The following DHRSX variants were observed in gnomAD, a reference collection of about 807,000 sequenced individuals.
DHRSX encodes polyprenol dehydrogenase.
Under a neutral mutation model 34.0 loss-of-function variants are expected in DHRSX, and 31 were observed. That is an observed-to-expected ratio of 0.91 (90% confidence interval 0.69 to 1.23). The LOEUF is 1.23. Ranked by LOEUF, DHRSX falls within the 50% of genes most tolerant of loss-of-function variation. The probability of loss-of-function intolerance (pLI) is 0.00; values close to 1 mark genes in which losing one functional copy is unlikely to be tolerated. For synonymous variants in DHRSX, 201 were observed against 183.8 expected (o/e 1.09, Z -0.76); for missense variants, 414 against 428.1 (o/e 0.97, Z 0.29).
chrX:2,476,649 C>G (rs1216814226), intron 1 of DHRSX, among the ~76,000 whole-genome samples: 2 of 152,168 alleles, frequency 1.3e-5, no homozygotes, highest in East Asian at 1.9e-4. Context: ...AACAACGCCA[C>G]GTAGACTGGA....
chrX:2,244,282 G>A (rs967572776), intron 5 of DHRSX, among the ~76,000 whole-genome samples: 6 of 144,146 alleles, frequency 4.2e-5, no homozygotes, highest in African/African-American at 1.5e-4. Context: ...TCCGATAACC[G>A]CGGTAAAGTG....
intron 6 of DHRSX, among the ~76,000 whole-genome samples, chrX:2,242,720 G>A (rs1162472875): frequency 1.3e-5 from 2 of 152,014 alleles, no homozygotes; most frequent in East Asian, 1.9e-4. Context: ...GCAATGTCAG[G>A]AAGTTACCCT....
intron 1 of DHRSX, among the ~76,000 whole-genome samples, chrX:2,450,698 G>C (rs980688138): frequency 6.6e-6 from 1 of 150,692 alleles, no homozygotes; most frequent in African/African-American, 2.4e-5. Context: ...GAGGGTTTCT[G>C]TGTCTCCTCC....
At chrX:2,273,989 TTCA>T (rs1338279259) in intron 4 of DHRSX, among the ~76,000 whole-genome samples, 2 of 152,162 alleles carry the variant, frequency 1.3e-5, no homozygotes, top group Non-Finnish European at 2.9e-5. Context: ...ATGCTGATAA[TTCA>T]TCGTTAGTGA....
At chrX:2,231,668 T>C (rs1602763874) in intron 6 of DHRSX, among the ~76,000 whole-genome samples, 1 of 150,618 alleles carries the variant, frequency 6.6e-6, no homozygotes, top group African/African-American at 2.5e-5. Context: ...CTTCTTTTTT[T>C]CTTTCTCCTC....
chrX:2,363,566 T>C (rs931725002), intron 3 of DHRSX, among the ~76,000 whole-genome samples: 2 of 148,670 alleles, frequency 1.3e-5, no homozygotes, highest in African/African-American at 5.1e-5. Flanking sequence ...CACTGTTCTA[T>C]GGTATCATGC....
intron 3 of DHRSX, among the ~76,000 whole-genome samples, chrX:2,325,554 T>A (rs1286510429): frequency 6.6e-6 from 1 of 152,130 alleles, no homozygotes; most frequent in Non-Finnish European, 1.5e-5. Flanking sequence ...CCCATTTGCA[T>A]AACCGATTAG....
At chrX:2,229,890 GAT>G (rs1019979033) in intron 6 of DHRSX, among the ~76,000 whole-genome samples, 30 of 152,106 alleles carry the variant, frequency 2.0e-4, no homozygotes, top group African/African-American at 4.3e-4. Flanking sequence ...TATGTATATG[GAT>G]ATGTGTGAGT....
intron 4 of DHRSX, among the ~76,000 whole-genome samples, chrX:2,274,592 T>C (rs2041599605): frequency 6.6e-6 from 1 of 150,848 alleles, no homozygotes; most frequent in Admixed American, 6.6e-5. Flanking sequence ...AAACTTTTTT[T>C]TTTTTTTTTT....
chrX:2,407,656 T>A (rs1298275818), intron 3 of DHRSX, among the ~76,000 whole-genome samples: 1 of 152,212 alleles, frequency 6.6e-6, no homozygotes, highest in African/African-American at 2.4e-5. Context: ...CCAAGAAGGT[T>A]TGCATCTTCT....
intron 2 of DHRSX, among the ~76,000 whole-genome samples, chrX:2,414,086 C>T (rs1231483085): frequency 6.6e-6 from 1 of 151,758 alleles, no homozygotes; most frequent in African/African-American, 2.4e-5. Flanking sequence ...TCAACTAGAC[C>T]TCATCATGAC....
intron 1 of DHRSX, among the ~76,000 whole-genome samples, chrX:2,484,794 G>A (rs141439430): frequency 0.012 from 1,824 of 152,178 alleles, 30 homozygotes; most frequent in African/African-American, 0.042. Flanking sequence ...ACTCGCAGAA[G>A]GCGCAGGAAG....
chrX:2,489,661 C>A (rs1437804049), intron 1 of DHRSX: 1 of 1,612,384 alleles, frequency 6.2e-7, no homozygotes, highest in Non-Finnish European at 8.5e-7. Context: ...TGCTCCCCCA[C>A]CAGGAGACGC....
chrX:2,480,746 A>G (rs1281535313), intron 1 of DHRSX, among the ~76,000 whole-genome samples: 1 of 152,060 alleles, frequency 6.6e-6, no homozygotes, highest in Admixed American at 6.6e-5. Context: ...CTGAGCCAGG[A>G]GTTGGAGGCT....
At chrX:2,470,413 A>G (rs190072215) in intron 1 of DHRSX, among the ~76,000 whole-genome samples, 2,074 of 147,812 alleles carry the variant, frequency 0.014, 48 homozygotes, top group African/African-American at 0.048. Context: ...ATAAAAAAAA[A>G]ACTGAAAAAA....
chrX:2,231,072 A>G (rs2015865866), intron 6 of DHRSX, among the ~76,000 whole-genome samples: 1 of 152,104 alleles, frequency 6.6e-6, no homozygotes, highest in Non-Finnish European at 1.5e-5. Context: ...AAGCACAGAG[A>G]CTGCTGGCTG....
At chrX:2,455,213 C>A (rs1393835650) in intron 1 of DHRSX, among the ~76,000 whole-genome samples, 1 of 151,784 alleles carries the variant, frequency 6.6e-6, no homozygotes, top group African/African-American at 2.4e-5. Context: ...CAAAATACCT[C>A]CTGTTCTCAC....
At chrX:2,496,874 C>A (rs1052850905) in intron 1 of DHRSX, among the ~76,000 whole-genome samples, 5 of 147,052 alleles carry the variant, frequency 3.4e-5, no homozygotes, top group Admixed American at 2.0e-4. Flanking sequence ...ATAAATTATT[C>A]TAAAAATATA....
At chrX:2,259,008 C>T (rs2041317930) in intron 5 of DHRSX, among the ~76,000 whole-genome samples, 1 of 152,202 alleles carries the variant, frequency 6.6e-6, no homozygotes, top group Admixed American at 6.6e-5. Context: ...GGCGCAGTGG[C>T]TCACGCCTGT....
Sources: allele counts gnomAD v4.1 joint callset (sites outside exome capture counted in the v4.1 genomes callset), GRCh38; gene constraint gnomAD v4.1.1; transcripts MANE v1.5; gene names NCBI Gene and HGNC (gene_info 2026-07-23, HGNC 2026-07-21).